The following ST8SIA1 variants were observed in gnomAD, a reference collection of about 807,000 sequenced individuals.
The protein encoded by ST8SIA1 is ST8 alpha-N-acetyl-neuraminide alpha-2,8-sialyltransferase 1, also known as alpha-N-acetylneuraminide alpha-2,8-sialyltransferase.
A neutral mutation model predicts 35.9 loss-of-function variants in ST8SIA1; 16 were observed. The observed-to-expected ratio is 0.45, with a 90% CI of 0.30 to 0.68. The LOEUF (loss-of-function observed/expected upper bound fraction) is 0.68, where lower values mean the gene tolerates loss of function less well. Ranked by LOEUF, ST8SIA1 falls within the 30% of genes least tolerant of loss-of-function variation. The probability of loss-of-function intolerance (pLI) is 0.09; values close to 1 mark genes in which losing one functional copy is unlikely to be tolerated. For missense variants in ST8SIA1, 383 were observed against 453.6 expected (o/e 0.84, Z 1.41); for synonymous variants, 170 against 169.6 (o/e 1.00, Z -0.02).
At position 22,194,296 on chromosome 12, in the gene ST8SIA1, C is replaced by G. The variant is rs1864957428; in HGVS notation, c.*7256G>C. ...TACTGGAGAAACAAACATTAATCCT[C>G]TTGCAGTTATCACCTATGGAGCTTC... On this transcript the variant is annotated 3_prime_UTR_variant, in exon 5 of 5. Coordinates refer to ENST00000396037, the MANE Select transcript of ST8SIA1 (RefSeq NM_003034.4). 6.6e-6 allele frequency: 1 copy of G among 152,188 alleles called. No homozygotes were observed. The highest frequency in any genetic ancestry group is 2.1e-4 in the South Asian group (1 of 4,838). The allele number at this position is 152,188 out of a possible 1,614,324, so 9.4% of individuals were successfully genotyped here.
intron 1 of ST8SIA1, among the ~76,000 whole-genome samples, chr12:22,290,735 C>T (rs1241714580): frequency 6.6e-6 from 1 of 152,182 alleles, no homozygotes; most frequent in African/African-American, 2.4e-5. Flanking sequence ...TAATGGACTT[C>T]ACGTCCGTCT....
chr12:22,231,053 G>T (rs1385027898), intron 4 of ST8SIA1, among the ~76,000 whole-genome samples: 2 of 151,342 alleles, frequency 1.3e-5, no homozygotes, highest in Non-Finnish European at 2.9e-5. Context: ...TTTGTAAGTT[G>T]AGTTGTGAAA....
At chr12:22,248,978 G>A (rs765592198) in intron 4 of ST8SIA1, 28 bp downstream of exon 4, 29 of 1,539,952 alleles carry the variant, frequency 1.9e-5, no homozygotes, top group South Asian at 7.9e-5. Flanking sequence ...ATCTTCGTTC[G>A]TCACAAACAG....
At chr12:22,212,847 C>A (rs2120639962) in intron 4 of ST8SIA1, among the ~76,000 whole-genome samples, 1 of 152,296 alleles carries the variant, frequency 6.6e-6, no homozygotes, top group South Asian at 2.1e-4. Flanking sequence ...TAAACACTAA[C>A]CAGCCATTGT....
At chr12:22,232,551 T>G (rs377202817) in intron 4 of ST8SIA1, among the ~76,000 whole-genome samples, 1 of 152,202 alleles carries the variant, frequency 6.6e-6, no homozygotes, top group East Asian at 1.9e-4. Flanking sequence ...CCAAATAGAT[T>G]AGCCAAGCTG....
intron 1 of ST8SIA1, among the ~76,000 whole-genome samples, chr12:22,314,393 C>T (rs1195202909): frequency 1.3e-5 from 2 of 151,490 alleles, no homozygotes; most frequent in East Asian, 1.9e-4. Context: ...ATAGCTTTAA[C>T]TTTTCAGTCA....
intron 2 of ST8SIA1, among the ~76,000 whole-genome samples, chr12:22,279,500 G>A (rs1349621499): frequency 6.6e-6 from 1 of 152,150 alleles, no homozygotes; most frequent in African/African-American, 2.4e-5. Flanking sequence ...CAGAGGCTCT[G>A]GCTTCTTCTG....
chr12:22,259,263 C>T (rs546154776), intron 2 of ST8SIA1, among the ~76,000 whole-genome samples: 1 of 151,560 alleles, frequency 6.6e-6, no homozygotes, highest in Non-Finnish European at 1.5e-5. Context: ...ATACCACCCC[C>T]CAAAGCCCTC....
intron 4 of ST8SIA1, among the ~76,000 whole-genome samples, chr12:22,243,491 CT>C (rs1565575955): frequency 6.6e-6 from 1 of 152,146 alleles, no homozygotes; most frequent in African/African-American, 2.4e-5. Flanking sequence ...ATTTTAATCC[CT>C]ATATACAAGT....
chr12:22,203,226 A>G (rs1233671147), intron 4 of ST8SIA1, among the ~76,000 whole-genome samples: 1 of 152,118 alleles, frequency 6.6e-6, no homozygotes, highest in East Asian at 1.9e-4. Flanking sequence ...AGAGAAGGGT[A>G]GAGAGAGAGA....
chr12:22,325,984 A>G, intron 1 of ST8SIA1: 1 of 649,440 alleles, frequency 1.5e-6, no homozygotes, highest in Non-Finnish European at 2.8e-6. Flanking sequence ...GGACAAAGTG[A>G]AATCTCATCA....
At chr12:22,254,733 C>G (rs777818806) in intron 3 of ST8SIA1, among the ~76,000 whole-genome samples, 8 of 152,136 alleles carry the variant, frequency 5.3e-5, no homozygotes, top group Non-Finnish European at 8.8e-5. Flanking sequence ...AACTGACGTG[C>G]ACATCACCAC....
intron 1 of ST8SIA1, among the ~76,000 whole-genome samples, chr12:22,322,501 C>G (rs1010375157): frequency 6.6e-5 from 10 of 152,214 alleles, no homozygotes; most frequent in African/African-American, 2.2e-4. Flanking sequence ...GGTATTCAGA[C>G]AGCTGTCTAC....
chr12:22,216,581 C>T (rs1218467735), intron 4 of ST8SIA1, among the ~76,000 whole-genome samples: 2 of 152,122 alleles, frequency 1.3e-5, no homozygotes, highest in East Asian at 3.9e-4. Context: ...ACTTTGTGTT[C>T]TCTTATCACT....
intron 4 of ST8SIA1, among the ~76,000 whole-genome samples, chr12:22,233,524 T>C (rs1865440978): frequency 6.6e-6 from 1 of 152,154 alleles, no homozygotes; most frequent in African/African-American, 2.4e-5. Context: ...TAAATCCTCC[T>C]TTTCTCTTTT....
chr12:22,322,436 A>C (rs912666294), intron 1 of ST8SIA1, among the ~76,000 whole-genome samples: 1 of 152,252 alleles, frequency 6.6e-6, no homozygotes, highest in Non-Finnish European at 1.5e-5. Flanking sequence ...ATTAGCAGTG[A>C]ATATTTAGAG....
In ST8SIA1 at chr12:22,334,237, G is replaced by T. The variant is rs767198872; in HGVS notation, c.-5C>A. 1.9e-6 allele frequency: 3 copies of T among 1,608,736 alleles called. No individual in the cohort carries two copies. The highest frequency in any genetic ancestry group is 2.5e-6 in the Non-Finnish European group (3 of 1,177,738). ...GGCCCGCCCGCAGGGGCTCATCGCA[G>T]CCCCGGCGTCCCAGGGGCGGGGGCC... On this transcript the variant is annotated 5_prime_UTR_variant, in exon 1 of 5. In the 5' UTR this introduces an upstream ATG that the reference lacks. Transcript: ENST00000396037.
chr12:22,218,287 G>A (rs1865256413), intron 4 of ST8SIA1, among the ~76,000 whole-genome samples: 1 of 151,618 alleles, frequency 6.6e-6, no homozygotes. Flanking sequence ...TTATGCCATA[G>A]CACTCCAGTC....
rs1171738086 is a variant in ST8SIA1, at chr12:22,198,567, A to T, written c.*2985T>A. 1 of 143,326 alleles carries T rather than the reference A, an allele frequency of 7.0e-6. No individual in the cohort carries two copies. The highest frequency in any genetic ancestry group is 1.5e-5 in the Non-Finnish European group (1 of 65,330). 8.9% of individuals were successfully genotyped at this position (143,326 alleles called of 1,614,324 possible). The stretch of plus-strand genomic sequence containing the variant: ...CACACACACACACACACACACACAC[A>T]CTCCTATCTAACCAATTATGTCCAA... On this transcript the variant is annotated 3_prime_UTR_variant, in exon 5 of 5. Coordinates refer to ENST00000396037, the MANE Select transcript of ST8SIA1 (RefSeq NM_003034.4).
Sources: gnomAD v4.1 joint callset for allele counts (sites outside exome capture counted in the v4.1 genomes callset) on GRCh38, gnomAD v4.1.1 for gene constraint, MANE v1.5 for transcripts, NCBI Gene and HGNC (gene_info 2026-07-23, HGNC 2026-07-21) for gene names.